The following MCTP1 variants were observed in gnomAD, a reference collection of about 807,000 sequenced individuals.
The protein encoded by MCTP1 is multiple C2 and transmembrane domain-containing protein 1.
In MCTP1, 69 loss-of-function variants were observed where a neutral mutation model predicts 120.6. The observed-to-expected ratio is 0.57, with a 90% CI of 0.47 to 0.70. MCTP1 has a LOEUF of 0.70. MCTP1 is among the 30% of genes least tolerant of loss of function. The probability of loss-of-function intolerance (pLI) is 0.00; values close to 1 mark genes in which losing one functional copy is unlikely to be tolerated. For synonymous variants in MCTP1, 529 were observed against 493.1 expected (o/e 1.07, Z -0.96); for missense variants, 1,203 against 1,248.8 (o/e 0.96, Z 0.55).
intron 1 of MCTP1, among the ~76,000 whole-genome samples, chr5:95,059,953 A>G (rs555026184): frequency 6.6e-6 from 1 of 152,202 alleles, no homozygotes; most frequent in Non-Finnish European, 1.5e-5. Flanking sequence ...AAACCCAATA[A>G]GAAGCAAGAA....
At chr5:94,856,754 A>G (rs1241216365) in intron 17 of MCTP1, among the ~76,000 whole-genome samples, 3 of 151,874 alleles carry the variant, frequency 2.0e-5, no homozygotes, top group Admixed American at 1.3e-4. Flanking sequence ...AAAGTCAAAA[A>G]GGAAATAAAA....
intron 2 of MCTP1, among the ~76,000 whole-genome samples, chr5:94,982,492 T>C (rs1344744356): frequency 2.6e-5 from 4 of 152,180 alleles, no homozygotes; most frequent in African/African-American, 9.6e-5. Flanking sequence ...CCAAGATTTC[T>C]TATACTGACT....
intron 18 of MCTP1, among the ~76,000 whole-genome samples, chr5:94,795,447 C>G (rs1165749231): frequency 6.6e-6 from 1 of 152,202 alleles, no homozygotes; most frequent in African/African-American, 2.4e-5. Context: ...TTCCTGGCAT[C>G]TACTCTTCCA....
At chr5:95,138,576 T>A (rs1759638916) in intron 1 of MCTP1, among the ~76,000 whole-genome samples, 1 of 152,180 alleles carries the variant, frequency 6.6e-6, no homozygotes, top group South Asian at 2.1e-4. Context: ...GAATGAGTGT[T>A]ACTGGTCTGG....
At chr5:95,147,598 A>G (rs911291704) in intron 1 of MCTP1, among the ~76,000 whole-genome samples, 1 of 152,228 alleles carries the variant, frequency 6.6e-6, no homozygotes, top group African/African-American at 2.4e-5. Context: ...GTGTCACTAC[A>G]TGCAAGATGG....
intron 1 of MCTP1, among the ~76,000 whole-genome samples, chr5:95,147,272 G>C (rs1214256288): frequency 6.6e-6 from 1 of 151,994 alleles, no homozygotes; most frequent in Non-Finnish European, 1.5e-5. Context: ...ATTTTTAGTA[G>C]AGACAGGGTT....
intron 1 of MCTP1, among the ~76,000 whole-genome samples, chr5:95,223,462 T>TA (rs767972464): frequency 2.0e-5 from 3 of 151,828 alleles, no homozygotes; most frequent in Non-Finnish European, 2.9e-5. Flanking sequence ...AAAACATAAA[T>TA]AAATAAAATA....
chr5:94,801,683 T>C (rs1246848586), intron 17 of MCTP1, among the ~76,000 whole-genome samples: 2 of 152,218 alleles, frequency 1.3e-5, no homozygotes, highest in African/African-American at 4.8e-5. Flanking sequence ...CCTTGTAATG[T>C]CCATTCATTG....
chr5:94,878,884 G>T (rs1270305626), intron 12 of MCTP1, among the ~76,000 whole-genome samples: 1 of 152,064 alleles, frequency 6.6e-6, no homozygotes, highest in Non-Finnish European at 1.5e-5. Flanking sequence ...GGAGAGGGTA[G>T]AGGAGGGGCA....
intron 1 of MCTP1, among the ~76,000 whole-genome samples, chr5:95,097,978 T>A (rs1756399055): frequency 6.6e-6 from 1 of 152,234 alleles, no homozygotes; most frequent in Non-Finnish European, 1.5e-5. Flanking sequence ...AGAGATACAA[T>A]TAGCTTTGAG....
chr5:94,993,689 A>G (rs1330888486), intron 2 of MCTP1, among the ~76,000 whole-genome samples: 1 of 152,176 alleles, frequency 6.6e-6, no homozygotes, highest in Non-Finnish European at 1.5e-5. Flanking sequence ...TTCTCATTGC[A>G]TCCCTCCACA....
intron 1 of MCTP1, 114 bp downstream of exon 1, chr5:95,283,742 A>G: frequency 4.0e-6 from 3 of 752,740 alleles, no homozygotes; most frequent in Non-Finnish European, 5.6e-6. Context: ...TAGAATTAAT[A>G]GCATTTCTCC....
chr5:95,044,242 C>T (rs79705103), intron 1 of MCTP1, among the ~76,000 whole-genome samples: 1,661 of 152,288 alleles, frequency 0.011, 32 homozygotes, highest in African/African-American at 0.038. Flanking sequence ...AGCAATGGAA[C>T]GAATTTCTTT....
At chr5:95,118,730 A>G (rs531261539) in intron 1 of MCTP1, among the ~76,000 whole-genome samples, 3 of 152,344 alleles carry the variant, frequency 2.0e-5, no homozygotes, top group South Asian at 4.1e-4. Context: ...AAAAGTGGCT[A>G]TACCTATCCT....
At chr5:94,896,667 T>C (rs186353328) in intron 10 of MCTP1, among the ~76,000 whole-genome samples, 1 of 152,348 alleles carries the variant, frequency 6.6e-6, no homozygotes, top group East Asian at 1.9e-4. Flanking sequence ...AATTTTCAGA[T>C]GGAATCTGAT....
At chr5:95,218,024 T>G (rs778457427) in intron 1 of MCTP1, among the ~76,000 whole-genome samples, 13 of 152,222 alleles carry the variant, frequency 8.5e-5, no homozygotes, top group Non-Finnish European at 1.6e-4. Flanking sequence ...GCTAGAGGCT[T>G]GGAGATCTAG....
At chr5:94,922,550 G>T (rs1207021112) in intron 7 of MCTP1, among the ~76,000 whole-genome samples, 1 of 151,492 alleles carries the variant, frequency 6.6e-6, no homozygotes, top group South Asian at 2.1e-4. Flanking sequence ...GTGCAATGGC[G>T]CAATCGCAGC....
At chr5:94,717,521 GGGCAATCA>G (rs1759776253) in intron 19 of MCTP1, among the ~76,000 whole-genome samples, 1 of 152,070 alleles carries the variant, frequency 6.6e-6, no homozygotes, top group Admixed American at 6.6e-5. Context: ...GTTCTGGTCA[GGGCAATCA>G]GGCAAGAGAG....
At chr5:95,146,978 A>G (rs1258033625) in intron 1 of MCTP1, among the ~76,000 whole-genome samples, 2 of 152,206 alleles carry the variant, frequency 1.3e-5, no homozygotes, top group Non-Finnish European at 2.9e-5. Flanking sequence ...GGGGTGTTCA[A>G]GTCCCCCACT....
Sources: gnomAD v4.1 joint callset for allele counts (sites outside exome capture counted in the v4.1 genomes callset) on GRCh38, gnomAD v4.1.1 for gene constraint, MANE v1.5 for transcripts, NCBI Gene and HGNC (gene_info 2026-07-23, HGNC 2026-07-21) for gene names.